Variants in KHNYN observed in about 807,000 individuals in gnomAD.
KHNYN encodes protein KHNYN.
Under a neutral mutation model 62.7 loss-of-function variants are expected in KHNYN, and 42 were observed. The ratio of observed to expected loss-of-function variants is 0.67; its 90% CI spans 0.52 to 0.87. The LOEUF is 0.87. Among genes scored for constraint, KHNYN ranks in the 40% least tolerant of loss-of-function variants. KHNYN has a pLI of 0.00. For missense variants in KHNYN, 829 were observed against 874.1 expected, an observed-to-expected ratio of 0.95 and a Z score of 0.65; for synonymous variants, 347 against 345.6, an observed-to-expected ratio of 1.00 and a Z score of -0.04.
chr14:24,441,066 C>A lies in KHNYN; in HGVS notation c.*3781C>A. On this transcript the variant is annotated 3_prime_UTR_variant, in exon 8 of 8. Coordinates refer to ENST00000553935, the MANE Select transcript of KHNYN (RefSeq NM_015299.3). ...GACAGAGCCATTTGGATATTTTCCC[C>A]TTGAACTTCTCCATGACCTGAAGCG... is the stretch of plus-strand genomic sequence containing the variant. The A allele has an allele frequency of 1.1e-6, 1 of 941,376 alleles. No individual in the cohort carries two copies. 58.3% of individuals were successfully genotyped at this position (941,376 alleles called of 1,614,324 possible).
At chr14:24,428,647 G>C (rs893921545), upstream of KHNYN, 1 of 1,309,656 alleles carries the variant, frequency 7.6e-7, no homozygotes, top group Non-Finnish European at 1.0e-6. Flanking sequence ...GAAAGATGTA[G>C]GAAGCTGTTT....
chr14:24,439,854 G>A lies in KHNYN; in HGVS notation c.*2569G>A. ...AAGTGGGGCAGCTGCAGGACATGTA[G>A]AGAAACCAAACTGGGAAATCTTACA... is the stretch of plus-strand genomic sequence containing the variant. On this transcript the variant is annotated 3_prime_UTR_variant, in exon 8 of 8. Transcript: ENST00000553935. The A allele has an allele frequency of 2.0e-6, 1 of 496,268 alleles. No individual in the cohort carries two copies. The highest frequency in any genetic ancestry group is 3.6e-6 in the Non-Finnish European group (1 of 280,594). 30.7% of individuals were successfully genotyped at this position (496,268 alleles called of 1,614,324 possible). A position where few individuals can be genotyped will look rare whatever the true frequency, so the allele number is the denominator to read the frequency against.
At chr14:24,427,760 G>A (rs779513102), upstream of KHNYN, 2 of 1,608,558 alleles carry the variant, frequency 1.2e-6, no homozygotes, top group East Asian at 2.2e-5. The surrounding 1 kb of genome is among the most constrained non-coding windows in gnomAD (Gnocchi z 4.4). Context: ...GTCAGGGGCT[G>A]GATTCTTGTG....
In KHNYN at chr14:24,437,060, G is replaced by A; in HGVS notation, c.1812G>A (p.Gln604=). Residue 604 remains glutamine (Q), a synonymous_variant, in exon 8 of 8, where the codon CAG becomes CAA. Transcript: ENST00000553935. This position sits in a 1 kb window ranked among gnomAD's most constrained non-coding sequence, Gnocchi z 5.5. ...GGACACAGGGGTCTTCTAAGGCTCA[G>A]CATCCTTCCAGGGGCTTTGCAGAAC... The part of the protein sequence containing the change: ...PARTQGSSKA[Q]HPSRGFAEHG... 1 of 1,614,186 alleles carries A rather than the reference G, an allele frequency of 6.2e-7. No individual in the cohort carries two copies. The highest frequency in any genetic ancestry group is 8.5e-7 in the Non-Finnish European group (1 of 1,180,020).
In KHNYN at chr14:24,440,565, G is replaced by A; in HGVS notation, c.*3280G>A. On this transcript the variant is annotated 3_prime_UTR_variant, in exon 8 of 8. Transcript: ENST00000553935. Reference sequence around the variant, plus strand: ...GAGCCCACTGCTCCTCCTGGTTTCTGTTTCCCCTTCCTCACTCTCCCCATG... The same window carrying A: ...GAGCCCACTGCTCCTCCTGGTTTCTATTTCCCCTTCCTCACTCTCCCCATG... 6.6e-7 allele frequency: 1 copy of A among 1,515,544 alleles called. No homozygotes were observed. Among genetic ancestry groups the A allele is most frequent in the Non-Finnish European group, 9.0e-7 (1 of 1,115,766 alleles). 93.9% of individuals were successfully genotyped at this position (1,515,544 alleles called of 1,614,324 possible).
At chr14:24,428,969 G>A, upstream of KHNYN, 1 of 1,551,100 alleles carries the variant, frequency 6.4e-7, no homozygotes, top group East Asian at 2.4e-5. Flanking sequence ...GGCCCACCCG[G>A]CCCCCAGGGC....
rs530672920 is a variant in KHNYN at position 24,440,706 on chromosome 14, A to C, written c.*3421A>C. ...CCTCTCACTCTGTAATTGTAATCTCAGCTCTCCTAATCCCATCACTTCCCC... is the reference window on the plus strand; with the variant it reads ...CCTCTCACTCTGTAATTGTAATCTCCGCTCTCCTAATCCCATCACTTCCCC... On this transcript the variant is annotated 3_prime_UTR_variant, in exon 8 of 8. Transcript: ENST00000553935. 2.4e-5 allele frequency: 36 copies of C among 1,531,180 alleles called. 1 individual carries two copies. In the Admixed American group the frequency reaches 5.9e-4, roughly 25 times the overall value. 94.8% of individuals were successfully genotyped at this position (1,531,180 alleles called of 1,614,324 possible). A position where few individuals can be genotyped will look rare whatever the true frequency, so the allele number is the denominator to read the frequency against.
At chr14:24,430,659 C>T in intron 1 of KHNYN, 55 bp from the exon 2 acceptor site, 1 of 1,527,148 alleles carries the variant, frequency 6.5e-7, no homozygotes. Flanking sequence ...GTCCCAGGAA[C>T]CAGGATTTGG....
chr14:24,431,891 G>A lies in KHNYN; in HGVS notation c.630G>A (p.Glu210=). 6.2e-7 allele frequency: 1 copy of A among 1,614,062 alleles called. No homozygotes were observed. ...GGCCAGGAGCACTGGCTTCTTGGGA[G>A]GGGCGGAGCTCAGCCTTGCTGGGTG... is the stretch of plus-strand genomic sequence containing the variant. ...GQGPGALASW[E]GRSSALLGAQ... The change falls in exon 3 of 8, where the codon GAG becomes GAA. Residue 210 remains glutamate, a synonymous_variant. Transcript: ENST00000553935.
Position 24,441,789 on chromosome 14 carries a change from A to G in KHNYN, c.*4504A>G, listed in dbSNP as rs766753296. ...CGATTACCTCTTTTTGGAAGGTTTCATTCCATCTGCAGGAGAAACATGGGA... is the reference window on the plus strand; with the variant it reads ...CGATTACCTCTTTTTGGAAGGTTTCGTTCCATCTGCAGGAGAAACATGGGA... On this transcript the variant is annotated 3_prime_UTR_variant, in exon 8 of 8. Transcript: ENST00000553935. The G allele has an allele frequency of 2.5e-6, 4 of 1,606,276 alleles. No homozygotes were observed. Among genetic ancestry groups the G allele is most frequent in the Non-Finnish European group, 3.4e-6 (4 of 1,177,242 alleles).
intron 5 of KHNYN, chr14:24,435,866 T>C (rs2043196320): frequency 3.4e-6 from 2 of 583,872 alleles, no homozygotes; most frequent in African/African-American, 1.9e-5. Context: ...CTTCTGGGGT[T>C]GGGGCCTTGG....
chr14:24,432,345 C>A lies in KHNYN; in HGVS notation c.1084C>A (p.Pro362Thr), dbSNP rs1394477083. The change falls in exon 3 of 8, where the codon CCT becomes ACT. Residue 362 changes from proline (P) to threonine (T), a missense_variant. Physicochemically the swap from Pro to Thr is conservative, Grantham distance 38. Coordinates refer to ENST00000553935, the MANE Select transcript of KHNYN (RefSeq NM_015299.3). This position sits in a 1 kb window ranked among gnomAD's most constrained non-coding sequence, Gnocchi z 5.6. Reference protein sequence around the residue: ...ASPPRVPSPPPAPEPPWHCGD... With the variant: ...ASPPRVPSPPTAPEPPWHCGD... ...TCCTCCGAGGGTGCCCAGCCCTCCA[C>A]CTGCACCGGAACCCCCATGGCACTG... is the stretch of plus-strand genomic sequence containing the variant. The A allele has an allele frequency of 6.2e-7, 1 of 1,613,998 alleles. No individual in the cohort carries two copies. The highest frequency in any genetic ancestry group is 8.5e-7 in the Non-Finnish European group (1 of 1,179,982).
chr14:24,432,206 A>T lies in KHNYN; in HGVS notation c.945A>T (p.Gly315=). The change falls in exon 3 of 8, where the codon GGA becomes GGT. Residue 315 remains glycine, a synonymous_variant. Coordinates refer to ENST00000553935, the MANE Select transcript of KHNYN (RefSeq NM_015299.3). The surrounding 1 kb of genome is among the most constrained non-coding windows in gnomAD (Gnocchi z 5.6). ...KALGKEEIAL[G]GGGFCVHREP... is the part of the protein sequence containing the mutation. ...TGGGGAAGGAGGAGATAGCTCTGGGAGGAGGAGGGTTCTGTGTCCACCGTG... is the reference window on the plus strand; with the variant it reads ...TGGGGAAGGAGGAGATAGCTCTGGGTGGAGGAGGGTTCTGTGTCCACCGTG... 10 of 1,591,856 alleles carry T rather than the reference A, an allele frequency of 6.3e-6. No individual in the cohort carries two copies. The highest frequency in any genetic ancestry group is 8.6e-6 in the Non-Finnish European group (10 of 1,167,410).
upstream of KHNYN, chr14:24,428,478 G>A (rs2043047754): frequency 1.3e-6 from 2 of 1,561,284 alleles, no homozygotes; most frequent in Admixed American, 3.7e-5. Context: ...GGGACTAGGG[G>A]CAGGGGCAGT....
chr14:24,437,590 C>T lies in KHNYN; in HGVS notation c.*305C>T, dbSNP rs78218947. 0.041 allele frequency: 10,199 copies of T among 251,316 alleles called. 313 individuals carry two copies. Among genetic ancestry groups the T allele is most frequent in the East Asian group, 0.13 (1,488 of 11,330 alleles). The allele number at this position is 251,316 out of a possible 1,614,324, so 15.6% of individuals were successfully genotyped here. A position where few individuals can be genotyped will look rare whatever the true frequency, so the allele number is the denominator to read the frequency against. On this transcript the variant is annotated 3_prime_UTR_variant, in exon 8 of 8. Coordinates refer to ENST00000553935, the MANE Select transcript of KHNYN (RefSeq NM_015299.3). The surrounding 1 kb of genome is among the most constrained non-coding windows in gnomAD (Gnocchi z 5.5). ...CCGGAGACTGAGACTGTTGGCTCCACCTCCAAGCTGAGCTAGGGTGGAGGG... is the reference window on the plus strand; with the variant it reads ...CCGGAGACTGAGACTGTTGGCTCCATCTCCAAGCTGAGCTAGGGTGGAGGG...
rs527812676 is a variant in KHNYN at position 24,432,100 on chromosome 14, C to T, written c.839C>T (p.Ala280Val). ...WGWKELPGEE[A>V]WEREVALRPQ... Reference sequence around the variant, plus strand: ...TGGAAGGAGTTGCCTGGGGAAGAGGCGTGGGAGAGAGAAGTGGCCCTCAGG... The same window carrying T: ...TGGAAGGAGTTGCCTGGGGAAGAGGTGTGGGAGAGAGAAGTGGCCCTCAGG... Residue 280 changes from alanine (A) to valine (V), a missense_variant, in exon 3 of 8, where the codon GCG (alanine) becomes GTG (valine). Ala to Val is a moderately conservative substitution (Grantham distance 64). Around this residue, in one of 2 missense-constraint regions of KHNYN, gnomAD observed 559 missense variants for 527.0 expected, o/e 1.06. Transcript: ENST00000553935. This position sits in a 1 kb window ranked among gnomAD's most constrained non-coding sequence, Gnocchi z 5.6. The T allele has an allele frequency of 1.3e-5, 20 of 1,556,798 alleles. No homozygotes were observed. The East Asian group carries it at 2.0e-4, about 16-fold the overall frequency.
chr14:24,435,933 C>T, intron 5 of KHNYN, 139 bp from the exon 6 acceptor site: 4 of 672,988 alleles, frequency 5.9e-6, no homozygotes, highest in Non-Finnish European at 1.1e-5. Flanking sequence ...TTGGGGGATA[C>T]CAATACAGTT....
Position 24,439,549 on chromosome 14 carries a change from A to T in KHNYN, c.*2264A>T. 6.6e-6 allele frequency: 1 copy of T among 152,434 alleles called. No homozygotes were observed. Among genetic ancestry groups the T allele is most frequent in the East Asian group, 1.9e-4 (1 of 5,196 alleles). The allele number at this position is 152,434 out of a possible 1,614,324, so 9.4% of individuals were successfully genotyped here. ...TGACTACAGGGCCCATTGGAAATGG[A>T]TCATCATTCTCTCTTCTAGTGTCTA... On this transcript the variant is annotated 3_prime_UTR_variant, in exon 8 of 8. Coordinates refer to ENST00000553935, the MANE Select transcript of KHNYN (RefSeq NM_015299.3).
At chr14:24,436,542 C>T in intron 7 of KHNYN, 53 bp downstream of exon 7, 1 of 1,319,742 alleles carries the variant, frequency 7.6e-7, no homozygotes, top group Non-Finnish European at 1.1e-6. Context: ...GGCCCTCTCT[C>T]AGCAGGCCCA....
Sources: gnomAD v4.1 joint callset for allele counts on GRCh38, gnomAD v4.1.1 for gene constraint, gnomAD v4.1.1 regional missense constraint, Gnocchi (gnomAD v3.1) non-coding constraint, MANE v1.5 for transcripts, NCBI Gene and HGNC (gene_info 2026-07-23, HGNC 2026-07-21) for gene names.